Variants in TSHZ2 observed in about 807,000 individuals in gnomAD.
TSHZ2 encodes the protein teashirt homolog 2.
Under a neutral mutation model 74.4 loss-of-function variants are expected in TSHZ2, and 21 were observed. That is an observed-to-expected ratio of 0.28 (90% CI 0.20 to 0.41). TSHZ2 has a LOEUF of 0.41. TSHZ2 is among the 10% of genes least tolerant of loss of function. The pLI is 1.00. For synonymous variants in TSHZ2, 540 were observed against 515.3 expected (o/e 1.05, Z -0.65); for missense variants, 1,244 against 1,293.5 (o/e 0.96, Z 0.59).
intron 2 of TSHZ2, among the ~76,000 whole-genome samples, chr20:53,393,225 A>G (rs1159194268): frequency 1.3e-5 from 2 of 152,186 alleles, no homozygotes; most frequent in East Asian, 1.9e-4. Context: ...TGTGTACTCA[A>G]TGTTCAGCTC....
intron 1 of TSHZ2, among the ~76,000 whole-genome samples, chr20:53,143,808 C>T (rs1014221085): frequency 2.0e-5 from 3 of 152,054 alleles, no homozygotes; most frequent in Non-Finnish European, 4.4e-5. Flanking sequence ...TAGACACAGC[C>T]GATTTATCAA....
intron 1 of TSHZ2, among the ~76,000 whole-genome samples, chr20:53,079,998 C>T (rs896074126): frequency 2.2e-4 from 33 of 152,102 alleles, no homozygotes; most frequent in African/African-American, 9.7e-5. Flanking sequence ...AACTTGTTGC[C>T]TAGCTAACTG....
intron 1 of TSHZ2, among the ~76,000 whole-genome samples, chr20:53,214,858 AAGG>A (rs1989397922): frequency 6.6e-6 from 1 of 152,186 alleles, no homozygotes; most frequent in Non-Finnish European, 1.5e-5. Context: ...TTAATCTAAG[AAGG>A]AGCCCGTAAA....
At chr20:53,121,503 G>A (rs2123351992) in intron 1 of TSHZ2, among the ~76,000 whole-genome samples, 1 of 152,318 alleles carries the variant, frequency 6.6e-6, no homozygotes, top group East Asian at 1.9e-4. Flanking sequence ...GCAGGGAGCA[G>A]TGGGGACTGT....
At chr20:53,280,363 A>T (rs148167861) in intron 2 of TSHZ2, among the ~76,000 whole-genome samples, 3 of 152,346 alleles carry the variant, frequency 2.0e-5, no homozygotes, top group Non-Finnish European at 1.5e-5. Context: ...CTCAAAAATT[A>T]CAGCTTATAG....
rs989363958 is a variant in TSHZ2, at chr20:53,303,320, A to C, written c.*8+46749A>C. Among the ~76,000 whole-genome samples the C allele has an allele frequency of 2.6e-5, 4 of 152,244 alleles. No homozygotes were observed. The East Asian group carries it at 7.7e-4, about 29-fold the overall frequency. ...CTTGTTGAGACTTAATTGCTTAATC[A>C]GAGAAACTGTTTTTCAGTTACACAA... On this transcript the variant is annotated intron_variant, in intron 2 of 2. Coordinates refer to ENST00000371497, the MANE Select transcript of TSHZ2 (RefSeq NM_173485.6).
At chr20:53,485,709 A>AC (rs1184252215) in intron 2 of TSHZ2, among the ~76,000 whole-genome samples, 1 of 74,786 alleles carries the variant, frequency 1.3e-5, no homozygotes, top group East Asian at 6.9e-4. Flanking sequence ...GCTCCAGCAC[A>AC]AAAAAAAAAA....
At chr20:53,465,647 C>G (rs1483777560) in intron 2 of TSHZ2, among the ~76,000 whole-genome samples, 1 of 152,124 alleles carries the variant, frequency 6.6e-6, no homozygotes. Flanking sequence ...TCTGCTACTT[C>G]CCAGGCATGT....
At chr20:53,331,960 G>T (rs1445662351) in intron 2 of TSHZ2, among the ~76,000 whole-genome samples, 6 of 152,150 alleles carry the variant, frequency 3.9e-5, no homozygotes, top group Non-Finnish European at 8.8e-5. Context: ...CTTGAGGGAA[G>T]TGTGCAGGGA....
rs139112608 is a variant in TSHZ2, at chr20:53,485,436, C to T, written c.*9-1708C>T. Among the ~76,000 whole-genome samples, 10 of 152,174 alleles carry T rather than the reference C, an allele frequency of 6.6e-5. No homozygotes were observed. The East Asian group carries it at 1.9e-3, about 29-fold the overall frequency. ...ACGAAATGCATGGGAAGGCCAGACA[C>T]AGTGGCTCACACCTGTAATCCCAGC... is the stretch of plus-strand genomic sequence containing the variant. On this transcript the variant is annotated intron_variant, in intron 2 of 2. Transcript: ENST00000371497.
chr20:53,167,782 G>A lies in TSHZ2; in HGVS notation c.41-85717G>A, dbSNP rs191035968. ...AACTTTGCAGCACCTGTCAATGCAC[G>A]CTCCCACTGGGTGGGGTATTACGTC... On this transcript the variant is annotated intron_variant, in intron 1 of 2. Transcript: ENST00000371497. Among the ~76,000 whole-genome samples, 1,079 of 152,278 alleles carry A rather than the reference G, an allele frequency of 7.1e-3. 12 individuals carry two copies. The highest frequency in any genetic ancestry group is 0.011 in the Non-Finnish European group (734 of 68,016).
chr20:53,115,564 A>C (rs1986646805), intron 1 of TSHZ2, among the ~76,000 whole-genome samples: 2 of 152,212 alleles, frequency 1.3e-5, no homozygotes, highest in Non-Finnish European at 2.9e-5. Flanking sequence ...ACCCAGTCTC[A>C]AGTATGTCTT....
At chr20:53,037,835 C>T (rs1983876668) in intron 1 of TSHZ2, among the ~76,000 whole-genome samples, 1 of 152,136 alleles carries the variant, frequency 6.6e-6, no homozygotes, top group African/African-American at 2.4e-5. Context: ...TGCCTGTGTG[C>T]ATCTGGTCCA....
At chr20:53,126,049 A>T (rs527239060) in intron 1 of TSHZ2, among the ~76,000 whole-genome samples, 3 of 152,348 alleles carry the variant, frequency 2.0e-5, no homozygotes, top group African/African-American at 7.2e-5. Flanking sequence ...ACATTTATGA[A>T]ATTCCCAGAT....
intron 2 of TSHZ2, among the ~76,000 whole-genome samples, chr20:53,395,332 T>A (rs1405510507): frequency 6.6e-6 from 1 of 152,136 alleles, no homozygotes; most frequent in African/African-American, 2.4e-5. Flanking sequence ...GAAGTTGAGA[T>A]GGCAGTACCA....
intron 1 of TSHZ2, among the ~76,000 whole-genome samples, chr20:53,010,998 G>T (rs1982829967): frequency 1.3e-5 from 2 of 151,858 alleles, no homozygotes; most frequent in South Asian, 2.1e-4. Context: ...ATTAAATCTG[G>T]CCATTTAAAC....
chr20:53,242,804 C>G (rs1043331567), intron 1 of TSHZ2, among the ~76,000 whole-genome samples: 4 of 152,158 alleles, frequency 2.6e-5, no homozygotes, highest in African/African-American at 9.7e-5. Flanking sequence ...TTCACTGATG[C>G]AATCATTCAT....
intron 1 of TSHZ2, among the ~76,000 whole-genome samples, chr20:53,010,765 A>G (rs753244137): frequency 1.3e-5 from 2 of 152,210 alleles, no homozygotes; most frequent in African/African-American, 2.4e-5. Context: ...GACCTAGAAC[A>G]TATTTTAGGA....
chr20:52,992,595 A>G (rs1039900450), intron 1 of TSHZ2, among the ~76,000 whole-genome samples: 5 of 152,212 alleles, frequency 3.3e-5, no homozygotes, highest in South Asian at 2.1e-4. Context: ...ATGGAGAGAA[A>G]GAATGAAGGG....
Sources: allele counts gnomAD v4.1 joint callset (sites outside exome capture counted in the v4.1 genomes callset), GRCh38; gene constraint gnomAD v4.1.1; transcripts MANE v1.5; gene names NCBI Gene and HGNC (gene_info 2026-07-23, HGNC 2026-07-21).